The following PRKG1 variants were observed in gnomAD, a reference collection of about 807,000 sequenced individuals.
The protein encoded by PRKG1 is cGMP-dependent protein kinase 1.
Under a neutral mutation model 88.1 loss-of-function variants are expected in PRKG1, and 35 were observed. That is an observed-to-expected ratio of 0.40 (90% confidence interval 0.30 to 0.53). The LOEUF is 0.53. Ranked by LOEUF, PRKG1 falls within the 20% of genes least tolerant of loss-of-function variation. PRKG1 has a pLI of 0.59. For synonymous variants in PRKG1, 303 were observed against 292.5 expected (o/e 1.04, Z -0.37); for missense variants, 540 against 839.8 (o/e 0.64, Z 4.41).
At chr10:51,085,418 A>T (rs1844223496) in intron 1 of PRKG1, among the ~76,000 whole-genome samples, 1 of 152,136 alleles carries the variant, frequency 6.6e-6, no homozygotes, top group South Asian at 2.1e-4. Context: ...TGTCAGTGGG[A>T]AGAGAGAAAT....
chr10:51,533,129 G>A (rs1230623332), intron 3 of PRKG1, among the ~76,000 whole-genome samples: 1 of 152,102 alleles, frequency 6.6e-6, no homozygotes, highest in Non-Finnish European at 1.5e-5. Context: ...ACTTGAGTTA[G>A]CCTCAGTGGA....
At chr10:51,406,135 G>C (rs1250751047) in intron 2 of PRKG1, among the ~76,000 whole-genome samples, 1 of 152,090 alleles carries the variant, frequency 6.6e-6, no homozygotes, top group Non-Finnish European at 1.5e-5. Flanking sequence ...TAACTACCCT[G>C]GTGGATAAGC....
At chr10:51,495,805 G>A (rs762593581) in intron 3 of PRKG1, among the ~76,000 whole-genome samples, 1 of 152,170 alleles carries the variant, frequency 6.6e-6, no homozygotes, top group African/African-American at 2.4e-5. Flanking sequence ...CGGCCAACAT[G>A]AACTATAAAA....
chr10:52,098,850 G>A (rs988962810), intron 7 of PRKG1, among the ~76,000 whole-genome samples: 2 of 152,052 alleles, frequency 1.3e-5, no homozygotes, highest in African/African-American at 4.8e-5. Flanking sequence ...GTGTTCAAAT[G>A]GTCTAAGTAT....
chr10:51,048,058 A>G (rs902017832), intron 1 of PRKG1, among the ~76,000 whole-genome samples: 5 of 152,228 alleles, frequency 3.3e-5, no homozygotes, highest in Admixed American at 2.6e-4. Context: ...TTCATAGCAC[A>G]TAGAGCCATC....
chr10:51,263,043 A>G (rs1839753572), intron 2 of PRKG1, among the ~76,000 whole-genome samples: 2 of 152,150 alleles, frequency 1.3e-5, no homozygotes, highest in African/African-American at 4.8e-5. Context: ...TCTTTATCTT[A>G]TATTCCACTT....
intron 3 of PRKG1, among the ~76,000 whole-genome samples, chr10:51,679,343 G>GCCC (rs1398398052): frequency 6.6e-5 from 10 of 151,808 alleles, no homozygotes; most frequent in Admixed American, 6.6e-4. Context: ...TTTTGACTGA[G>GCCC]TTATTGATGG....
intron 1 of PRKG1, among the ~76,000 whole-genome samples, chr10:50,997,396 T>C (rs1423681272): frequency 6.6e-6 from 1 of 152,182 alleles, no homozygotes; most frequent in East Asian, 1.9e-4. Context: ...ATGTATTCAC[T>C]GGAAATTTGA....
chr10:51,381,392 G>T (rs2132629309), intron 2 of PRKG1, among the ~76,000 whole-genome samples: 1 of 149,132 alleles, frequency 6.7e-6, no homozygotes, highest in East Asian at 2.0e-4. Context: ...AACTCAATCA[G>T]TACCCCTCAC....
chr10:51,267,130 A>G (rs963903492), intron 2 of PRKG1, among the ~76,000 whole-genome samples: 9 of 152,190 alleles, frequency 5.9e-5, no homozygotes, highest in African/African-American at 2.2e-4. Context: ...CCTGTTTCTT[A>G]GTAAATTTTA....
chr10:51,545,972 A>G (rs1842436059), intron 3 of PRKG1, among the ~76,000 whole-genome samples: 1 of 151,440 alleles, frequency 6.6e-6, no homozygotes, highest in Admixed American at 6.6e-5. Context: ...TTATCTTAAT[A>G]GAAGTTACTT....
intron 1 of PRKG1, among the ~76,000 whole-genome samples, chr10:51,140,687 A>C (rs10995839): frequency 0.15 from 22,849 of 152,066 alleles, 1,767 homozygotes; most frequent in Middle Eastern, 0.18. Context: ...AAGAAAAGTG[A>C]GTGTCCTCAT....
At chr10:51,981,745 T>C (rs1844016482) in intron 5 of PRKG1, among the ~76,000 whole-genome samples, 1 of 151,834 alleles carries the variant, frequency 6.6e-6, no homozygotes, top group Non-Finnish European at 1.5e-5. Context: ...GCCTCAAGAG[T>C]TTTTTCTTTC....
intron 9 of PRKG1, among the ~76,000 whole-genome samples, chr10:52,248,323 A>G (rs1841079062): frequency 1.3e-5 from 2 of 152,216 alleles, no homozygotes; most frequent in Admixed American, 6.5e-5. Flanking sequence ...AGAAAAATAA[A>G]TGCATATAAA....
intron 5 of PRKG1, among the ~76,000 whole-genome samples, chr10:52,053,135 G>C (rs904114848): frequency 6.6e-6 from 1 of 152,042 alleles, no homozygotes; most frequent in Non-Finnish European, 1.5e-5. Flanking sequence ...ATGGGTTGGT[G>C]GTTGTTAAAA....
chr10:51,437,900 G>A (rs1463164945), intron 2 of PRKG1, among the ~76,000 whole-genome samples: 1 of 150,412 alleles, frequency 6.6e-6, no homozygotes, highest in East Asian at 2.0e-4. Context: ...TACAAGACAA[G>A]ACAGTCCCTA....
chr10:51,267,010 G>A (rs756613364), intron 2 of PRKG1, among the ~76,000 whole-genome samples: 13 of 152,136 alleles, frequency 8.5e-5, no homozygotes, highest in Admixed American at 2.6e-4. Flanking sequence ...TGATATGGAA[G>A]GGGTGTTGAA....
At chr10:51,413,403 T>A (rs1187513960) in intron 2 of PRKG1, among the ~76,000 whole-genome samples, 1 of 152,060 alleles carries the variant, frequency 6.6e-6, no homozygotes, top group African/African-American at 2.4e-5. Context: ...TCTCTCCCTG[T>A]CACCCAGGCT....
chr10:51,840,169 T>C (rs1027513800), intron 4 of PRKG1, among the ~76,000 whole-genome samples: 1 of 152,108 alleles, frequency 6.6e-6, no homozygotes, highest in African/African-American at 2.4e-5. Flanking sequence ...CCCAGAACAG[T>C]GGTGTACATA....
Sources: gnomAD v4.1 joint callset for allele counts (sites outside exome capture counted in the v4.1 genomes callset) on GRCh38, gnomAD v4.1.1 for gene constraint, MANE v1.5 for transcripts, NCBI Gene and HGNC (gene_info 2026-07-23, HGNC 2026-07-21) for gene names.